The following RCAN1 variants were observed in gnomAD, a reference collection of about 807,000 sequenced individuals.
RCAN1 encodes regulator of calcineurin 1, also known as calcipressin-1.
RCAN1 carries 11 observed loss-of-function variants against 22.9 expected under a neutral mutation model. That is an observed-to-expected ratio of 0.48 (90% CI 0.30 to 0.79). The LOEUF (loss-of-function observed/expected upper bound fraction) is 0.79. Among genes scored for constraint, RCAN1 ranks in the 30% least tolerant of loss-of-function variants. The probability of loss-of-function intolerance (pLI) is 0.06; values close to 1 mark genes in which losing one functional copy is unlikely to be tolerated. For missense variants in RCAN1, 291 were observed against 337.8 expected, an observed-to-expected ratio of 0.86 and a Z score of 1.09; for synonymous variants, 136 against 142.3, an observed-to-expected ratio of 0.96 and a Z score of 0.32.
intron 1 of RCAN1, among the ~76,000 whole-genome samples, chr21:34,566,698 G>C (rs1356363796): frequency 1.3e-5 from 2 of 152,150 alleles, no homozygotes; most frequent in Non-Finnish European, 2.9e-5. Flanking sequence ...AAAGAAAAGA[G>C]GTTTACTTAG....
chr21:34,521,507 A>G lies in RCAN1; in HGVS notation c.578T>C (p.Leu193Pro). The G allele has an allele frequency of 1.2e-6, 2 of 1,614,166 alleles. No homozygotes were observed. Among genetic ancestry groups the G allele is most frequent in the Non-Finnish European group, 1.7e-6 (2 of 1,180,024 alleles). Reference sequence around the variant, plus strand: ...CCGAGGGCCCTGCTCACCTGGCCCCAGCTTGGAGATGGCATATAAGAGATC... The same window carrying G: ...CCGAGGGCCCTGCTCACCTGGCCCCGGCTTGGAGATGGCATATAAGAGATC... ...NYDLLYAISK[L>P]GPGEKYELHA... Residue 193 changes from leucine (L) to proline (P), a missense_variant, in exon 3 of 4, where the codon CTG becomes CCG. Coordinates refer to ENST00000313806, the MANE Select transcript of RCAN1 (RefSeq NM_004414.7).
chr21:34,579,586 A>T (rs1483902701), intron 1 of RCAN1, among the ~76,000 whole-genome samples: 1 of 152,226 alleles, frequency 6.6e-6, no homozygotes, highest in Non-Finnish European at 1.5e-5. Flanking sequence ...GACTCAATGC[A>T]TGTATGTGAC....
chr21:34,613,446 T>A (rs961907682), intron 1 of RCAN1, among the ~76,000 whole-genome samples: 4 of 152,236 alleles, frequency 2.6e-5, no homozygotes, highest in Non-Finnish European at 5.9e-5. Flanking sequence ...AATGAATAGC[T>A]AGCGAAGTGG....
intron 1 of RCAN1, among the ~76,000 whole-genome samples, chr21:34,563,612 A>G (rs902437690): frequency 4.0e-5 from 6 of 151,874 alleles, no homozygotes; most frequent in African/African-American, 1.5e-4. Context: ...ACACTGCTAT[A>G]GAGAACTGCC....
chr21:34,521,510 T>G lies in RCAN1; in HGVS notation c.575A>C (p.Lys192Thr), dbSNP rs1470015600. Residue 192 changes from lysine to threonine, a missense_variant, in exon 3 of 4, where the codon AAG becomes ACG. By Grantham distance (78) the Lys-to-Thr change is moderately conservative. Transcript: ENST00000313806. ...AGGGCCCTGCTCACCTGGCCCCAGC[T>G]TGGAGATGGCATATAAGAGATCATA... is the stretch of plus-strand genomic sequence containing the variant. ...INYDLLYAIS[K>T]LGPGEKYELH... 4 of 1,614,206 alleles carry G rather than the reference T, an allele frequency of 2.5e-6. 1 individual carries two copies. In the Admixed American group the frequency reaches 6.7e-5, roughly 27 times the overall value.
At chr21:34,573,662 G>T (rs1187556815) in intron 1 of RCAN1, among the ~76,000 whole-genome samples, 1 of 152,166 alleles carries the variant, frequency 6.6e-6, no homozygotes, top group African/African-American at 2.4e-5. Context: ...CGAGTTCACT[G>T]CTCCCCTGTG....
In RCAN1 at chr21:34,614,938, C is replaced by T; in HGVS notation, c.74G>A (p.Arg25Gln). ...EAAEAAEARA[R>Q]PGVTLRPFAP... is the part of the protein sequence containing the mutation. ...GAAGGGCCGCAGCGTCACCCCGGGC[C>T]GCGCTCGCGCCTCGGCCGCCTCCGC... The change falls in exon 1 of 4, where the codon CGG (arginine) becomes CAG (glutamine). Residue 25 changes from arginine (R) to glutamine (Q), a missense_variant. Arg to Gln is a conservative substitution (Grantham distance 43). Transcript: ENST00000313806. The surrounding 1 kb of genome is among the most constrained non-coding windows in gnomAD (Gnocchi z 6.0). 7.8e-7 allele frequency: 1 copy of T among 1,280,276 alleles called. No homozygotes were observed. The highest frequency in any genetic ancestry group is 9.9e-7 in the Non-Finnish European group (1 of 1,007,666). 79.3% of individuals were successfully genotyped at this position (1,280,276 alleles called of 1,614,324 possible). A position where few individuals can be genotyped will look rare whatever the true frequency, so the allele number is the denominator to read the frequency against.
At chr21:34,602,288 TGC>T (rs1429245918) in intron 1 of RCAN1, among the ~76,000 whole-genome samples, 1 of 151,836 alleles carries the variant, frequency 6.6e-6, no homozygotes, top group African/African-American at 2.4e-5. Context: ...CAACACAGAA[TGC>T]TCTGTGCTGC....
At chr21:34,577,243 A>AT (rs1568918975) in intron 1 of RCAN1, among the ~76,000 whole-genome samples, 1 of 152,232 alleles carries the variant, frequency 6.6e-6, no homozygotes, top group Admixed American at 6.5e-5. Context: ...TGAACAACAG[A>AT]TAAGTACTGA....
At chr21:34,586,437 A>C (rs1033841720) in intron 1 of RCAN1, among the ~76,000 whole-genome samples, 6 of 152,330 alleles carry the variant, frequency 3.9e-5, no homozygotes, top group African/African-American at 9.6e-5. Flanking sequence ...ATTTCTAAAC[A>C]ATCTACAGAT....
chr21:34,585,696 T>C (rs2123703756), intron 1 of RCAN1, among the ~76,000 whole-genome samples: 1 of 145,276 alleles, frequency 6.9e-6, no homozygotes, highest in East Asian at 2.0e-4. Context: ...TGAGCCGAGA[T>C]TGTGCCACTG....
At position 34,614,375 on chromosome 21, in the gene RCAN1, C is replaced by T. The variant is rs569360337; in HGVS notation, c.252+385G>A. ...TCACGTCGCCGCTCAATGTCTGTTTCCTCCTCCCTAGGAATGAGGTGACCC... is the reference window on the plus strand; with the variant it reads ...TCACGTCGCCGCTCAATGTCTGTTTTCTCCTCCCTAGGAATGAGGTGACCC... On this transcript the variant is annotated intron_variant, in intron 1 of 3. Transcript: ENST00000313806. This position sits in a 1 kb window ranked among gnomAD's most constrained non-coding sequence, Gnocchi z 6.0. 2.1e-5 allele frequency: 21 copies of T among 992,952 alleles called. No homozygotes were observed. Among genetic ancestry groups the T allele is most frequent in the Non-Finnish European group, 2.4e-5 (20 of 835,020 alleles). The allele number at this position is 992,952 out of a possible 1,614,324, so 61.5% of individuals were successfully genotyped here. A position where few individuals can be genotyped will look rare whatever the true frequency, so the allele number is the denominator to read the frequency against.
chr21:34,600,539 C>T (rs545957562), intron 1 of RCAN1, among the ~76,000 whole-genome samples: 4 of 152,046 alleles, frequency 2.6e-5, no homozygotes, highest in South Asian at 2.1e-4. Flanking sequence ...GGAAAGGAGG[C>T]GAGGAGACAG....
chr21:34,587,556 A>C (rs2123706554), intron 1 of RCAN1, among the ~76,000 whole-genome samples: 1 of 152,340 alleles, frequency 6.6e-6, no homozygotes, highest in Middle Eastern at 3.4e-3. Context: ...TAGTAAAACA[A>C]AGCCAGAGTC....
chr21:34,563,934 C>T (rs543795401), intron 1 of RCAN1, among the ~76,000 whole-genome samples: 5 of 151,138 alleles, frequency 3.3e-5, no homozygotes, highest in Admixed American at 6.6e-5. Flanking sequence ...CCACTGCACT[C>T]TAGCGTGGGC....
At chr21:34,597,951 T>A (rs1237167473) in intron 1 of RCAN1, among the ~76,000 whole-genome samples, 1 of 152,176 alleles carries the variant, frequency 6.6e-6, no homozygotes, top group Non-Finnish European at 1.5e-5. Context: ...AATGTTCATA[T>A]TGAAGAATCT....
chr21:34,603,251 G>C (rs1024383514), intron 1 of RCAN1, among the ~76,000 whole-genome samples: 4 of 152,308 alleles, frequency 2.6e-5, no homozygotes, highest in Admixed American at 6.5e-5. Flanking sequence ...TCTTTGAACA[G>C]CATTGGACAG....
At chr21:34,558,561 A>G (rs571964227) in intron 1 of RCAN1, among the ~76,000 whole-genome samples, 2 of 152,398 alleles carry the variant, frequency 1.3e-5, no homozygotes, top group East Asian at 1.9e-4. Context: ...ATGGTTAAAC[A>G]TCACATTTCT....
rs554462085 is a variant in RCAN1 at position 34,525,387 on chromosome 21, C to T, written c.253-1677G>A. ...TCCCGCAGAGGCACGTGCGAAGGAA[C>T]GCGGAGCTGGCGGACGGTAGAGTTC... On this transcript the variant is annotated intron_variant, in intron 1 of 3. Coordinates refer to ENST00000313806, the MANE Select transcript of RCAN1 (RefSeq NM_004414.7). 12 of 1,448,966 alleles carry T rather than the reference C, an allele frequency of 8.3e-6. No individual in the cohort carries two copies. The East Asian group carries it at 1.8e-4, about 21-fold the overall frequency. The allele number at this position is 1,448,966 out of a possible 1,614,324, so 89.8% of individuals were successfully genotyped here. A position where few individuals can be genotyped will look rare whatever the true frequency, so the allele number is the denominator to read the frequency against.
Sources: gnomAD v4.1 joint callset for allele counts (sites outside exome capture counted in the v4.1 genomes callset) on GRCh38, gnomAD v4.1.1 for gene constraint, Gnocchi (gnomAD v3.1) non-coding constraint, MANE v1.5 for transcripts, NCBI Gene and HGNC (gene_info 2026-07-23, HGNC 2026-07-21) for gene names.